COL25A1: variants seen among roughly 807,000 people sequenced by gnomAD.
The protein encoded by COL25A1 is collagen type XXV alpha 1 chain.
COL25A1 carries 103 observed loss-of-function variants against 128.4 expected under a neutral mutation model. The ratio of observed to expected loss-of-function variants is 0.80; its 90% CI spans 0.68 to 0.94. The LOEUF is 0.94. Among genes scored for constraint, COL25A1 ranks in the 40% least tolerant of loss-of-function variants. The pLI, the probability that COL25A1 is intolerant of heterozygous loss-of-function variation, is 0.00. For missense variants in COL25A1, 745 were observed against 840.0 expected (o/e 0.89, Z 1.40); for synonymous variants, 279 against 277.2 (o/e 1.01, Z -0.06).
chr4:108,899,315 G>C lies in COL25A1; in HGVS notation c.835-135C>G, dbSNP rs1156269316. 3 of 676,570 alleles carry C rather than the reference G, an allele frequency of 4.4e-6. No individual in the cohort carries two copies. In the South Asian group the frequency reaches 6.6e-5, roughly 15 times the overall value. The allele number at this position is 676,570 out of a possible 1,614,324, so 41.9% of individuals were successfully genotyped here. A position where few individuals can be genotyped will look rare whatever the true frequency, so the allele number is the denominator to read the frequency against. On this transcript the variant is annotated intron_variant, in intron 14 of 37. Coordinates refer to ENST00000399132, the MANE Select transcript of COL25A1 (RefSeq NM_198721.4). ...TTTTCTATTTTGGCTACATGCAGTT[G>C]CTATATGAAAACAAATGATAAAATG... is the stretch of plus-strand genomic sequence containing the variant.
intron 3 of COL25A1, among the ~76,000 whole-genome samples, chr4:109,260,397 T>C (rs903890685): frequency 6.6e-6 from 1 of 152,196 alleles, no homozygotes; most frequent in African/African-American, 2.4e-5. Flanking sequence ...TCTCTACTCA[T>C]ACAAATAACT....
intron 3 of COL25A1, among the ~76,000 whole-genome samples, chr4:109,156,084 G>A (rs1013029633): frequency 1.2e-4 from 18 of 152,174 alleles, no homozygotes; most frequent in Non-Finnish European, 1.5e-4. Context: ...TGCCGGTGCT[G>A]TAGCTCCAAC....
intron 3 of COL25A1, among the ~76,000 whole-genome samples, chr4:109,072,659 T>C (rs1400232019): frequency 6.6e-6 from 1 of 152,196 alleles, no homozygotes; most frequent in East Asian, 1.9e-4. Flanking sequence ...CATTCTTAGC[T>C]TGCAGAACCT....
chr4:109,268,067 A>T (rs1384071009), intron 3 of COL25A1, among the ~76,000 whole-genome samples: 1 of 152,212 alleles, frequency 6.6e-6, no homozygotes, highest in Non-Finnish European at 1.5e-5. Flanking sequence ...CACTGCAAGT[A>T]AGTCATTTTA....
rs181132205 is a variant in COL25A1, at chr4:109,170,889, C to T, written c.368-120710G>A. 6.6e-5 allele frequency among the ~76,000 whole-genome samples: 10 copies of T among 152,244 alleles called. No homozygotes were observed. In the East Asian group the frequency reaches 1.7e-3, roughly 27 times the overall value. On this transcript the variant is annotated intron_variant, in intron 3 of 37. Coordinates refer to ENST00000399132, the MANE Select transcript of COL25A1 (RefSeq NM_198721.4). The stretch of plus-strand genomic sequence containing the variant: ...ACATTGTGCTTCTATGACCATTTCA[C>T]GTGGTGGTAGTTCCTGTGGGTATTG...
chr4:108,870,239 G>C (rs1402331822), intron 19 of COL25A1, among the ~76,000 whole-genome samples: 1 of 152,122 alleles, frequency 6.6e-6, no homozygotes. Flanking sequence ...ATGGTTGACA[G>C]AGCAAGACCC....
At chr4:109,217,666 C>T (rs1320432673) in intron 3 of COL25A1, among the ~76,000 whole-genome samples, 1 of 152,094 alleles carries the variant, frequency 6.6e-6, no homozygotes, top group Admixed American at 6.6e-5. Context: ...CCCGAGGATA[C>T]CATAATCCAC....
chr4:109,223,135 T>C (rs1778541648), intron 3 of COL25A1, among the ~76,000 whole-genome samples: 1 of 152,220 alleles, frequency 6.6e-6, no homozygotes, highest in South Asian at 2.1e-4. Context: ...CTCCATTTCC[T>C]CATGTCACAA....
intron 3 of COL25A1, among the ~76,000 whole-genome samples, chr4:109,053,695 A>G (rs1172466555): frequency 6.6e-6 from 1 of 152,244 alleles, no homozygotes; most frequent in Non-Finnish European, 1.5e-5. Context: ...TACTCCAAGA[A>G]GAGATTTTTT....
At chr4:109,093,802 A>G (rs181086633) in intron 3 of COL25A1, among the ~76,000 whole-genome samples, 7 of 152,338 alleles carry the variant, frequency 4.6e-5, no homozygotes, top group African/African-American at 1.4e-4. Context: ...TTTTACACTA[A>G]TTCTTAATGC....
intron 3 of COL25A1, among the ~76,000 whole-genome samples, chr4:109,072,152 A>G (rs1763024382): frequency 6.6e-6 from 1 of 152,186 alleles, no homozygotes; most frequent in Non-Finnish European, 1.5e-5. Context: ...AAATTGACAT[A>G]TACTGCCTAA....
At chr4:109,083,054 G>C (rs1025092784) in intron 3 of COL25A1, among the ~76,000 whole-genome samples, 1 of 152,118 alleles carries the variant, frequency 6.6e-6, no homozygotes, top group Non-Finnish European at 1.5e-5. Context: ...ATAAAACTTT[G>C]TAAAGGGCAC....
At chr4:108,853,951 A>G (rs1736148118) in intron 24 of COL25A1, 1 of 152,124 alleles carries the variant, frequency 6.6e-6, no homozygotes, top group South Asian at 2.1e-4. Context: ...AGTCTTTGCT[A>G]TTGTGAATAG....
rs193098701 is a variant in COL25A1, at chr4:108,912,950, G to A, written c.780+5222C>T. Among the ~76,000 whole-genome samples, 66 of 152,248 alleles carry A rather than the reference G, an allele frequency of 4.3e-4. 1 individual carries two copies. The East Asian group carries it at 0.012, about 28-fold the overall frequency. On this transcript the variant is annotated intron_variant, in intron 13 of 37. Transcript: ENST00000399132. ...TTACTTAAAAATCACTTAGCTATTT[G>A]TGATGGATTCATAGTTGACACACTA...
At chr4:109,166,703 G>A (rs1444485277) in intron 3 of COL25A1, among the ~76,000 whole-genome samples, 1 of 152,186 alleles carries the variant, frequency 6.6e-6, no homozygotes, top group East Asian at 1.9e-4. Flanking sequence ...GAGCACACAA[G>A]CCCTAGGAAG....
chr4:109,214,934 T>C (rs1283749867), intron 3 of COL25A1, among the ~76,000 whole-genome samples: 2 of 152,164 alleles, frequency 1.3e-5, no homozygotes, highest in African/African-American at 4.8e-5. Flanking sequence ...CAGATTCATT[T>C]CATAATTTTT....
intron 3 of COL25A1, among the ~76,000 whole-genome samples, chr4:109,256,063 G>A (rs56985170): frequency 0.038 from 5,752 of 149,592 alleles, 379 homozygotes; most frequent in African/African-American, 0.14. Flanking sequence ...AACTACATGT[G>A]GATATTAACA....
intron 8 of COL25A1, among the ~76,000 whole-genome samples, chr4:108,948,432 A>C (rs1749025954): frequency 6.6e-6 from 1 of 152,150 alleles, no homozygotes; most frequent in Non-Finnish European, 1.5e-5. Context: ...GTAGTTGAAT[A>C]TAATATTTTC....
chr4:109,092,515 C>G (rs1200185234), intron 3 of COL25A1, among the ~76,000 whole-genome samples: 2 of 152,144 alleles, frequency 1.3e-5, no homozygotes, highest in Non-Finnish European at 2.9e-5. Flanking sequence ...CCACCCACAT[C>G]ACACACAGCC....
Sources: gnomAD v4.1 joint callset for allele counts (sites outside exome capture counted in the v4.1 genomes callset) on GRCh38, gnomAD v4.1.1 for gene constraint, MANE v1.5 for transcripts, NCBI Gene and HGNC (gene_info 2026-07-23, HGNC 2026-07-21) for gene names.